The following PRRG1 variants were observed in gnomAD, a reference collection of about 807,000 sequenced individuals.
PRRG1 encodes the protein proline rich and Gla domain 1.
In PRRG1, 5 loss-of-function variants were observed where a neutral mutation model predicts 11.8. That is an observed-to-expected ratio of 0.42 (90% CI 0.22 to 0.89). PRRG1 has a LOEUF of 0.89. PRRG1 is among the 40% of genes least tolerant of loss of function. PRRG1 has a pLI of 0.28. For missense variants in PRRG1, 155 were observed against 166.1 expected (o/e 0.93, Z 0.37); for synonymous variants, 66 against 60.4 (o/e 1.09, Z -0.43).
chrX:37,350,438 T>G (rs1238572122), intron 1 of PRRG1, among the ~76,000 whole-genome samples: 4 of 111,662 alleles, frequency 3.6e-5, no homozygotes, highest in Non-Finnish European at 7.5e-5. Flanking sequence ...AAAAGTTGGT[T>G]AGGCTACTGT....
At chrX:37,412,423 C>T (rs1932372958) in intron 2 of PRRG1, among the ~76,000 whole-genome samples, 1 of 109,903 alleles carries the variant, frequency 9.1e-6, no homozygotes, top group African/African-American at 3.4e-5. Flanking sequence ...ACTGACAAGC[C>T]CTGTAAAGTA....
intron 1 of PRRG1, among the ~76,000 whole-genome samples, chrX:37,405,538 G>A (rs1556381808): frequency 1.8e-5 from 2 of 110,255 alleles, no homozygotes; most frequent in Non-Finnish European, 3.8e-5. Context: ...TTCTGTGTAT[G>A]TATGAGTGTT....
At chrX:37,372,129 T>C (rs781904755) in intron 1 of PRRG1, among the ~76,000 whole-genome samples, 4 of 112,813 alleles carry the variant, frequency 3.5e-5, no homozygotes, top group Non-Finnish European at 5.6e-5. Flanking sequence ...CATATCTTTA[T>C]CAACACTTGT....
chrX:37,437,330 A>G (rs1556392289), intron 3 of PRRG1, among the ~76,000 whole-genome samples: 2 of 111,518 alleles, frequency 1.8e-5, no homozygotes, highest in Admixed American at 1.9e-4. Context: ...TCTCCTGCCC[A>G]TGCCAGCAGT....
In PRRG1 at chrX:37,453,440, T is replaced by G. The variant is rs781947852; in HGVS notation, c.476T>G (p.Val159Gly). The change falls in exon 4 of 4, where the codon GTC becomes GGC. Residue 159 changes from valine (V) to glycine (G), a missense_variant. By Grantham distance (109) the Val-to-Gly change is moderately radical. Transcript: ENST00000378628. ...LGYVVGRSDS[V>G]STRLSNCDPP... ...TATGTAGTTGGGCGCTCAGATTCCG[T>G]CTCTACTCGCCTGTCCAATTGTGAT... The G allele has an allele frequency of 4.1e-6, 5 of 1,209,032 alleles. No homozygotes were observed. In the South Asian group the frequency reaches 8.8e-5, roughly 21 times the overall value.
intron 3 of PRRG1, chrX:37,440,817 G>A: frequency 3.9e-6 from 2 of 511,486 alleles, no homozygotes; most frequent in Non-Finnish European, 7.0e-6. Context: ...CAAGGCTGGA[G>A]TGCAGCTGTG....
chrX:37,403,364 TA>T (rs1932082765), intron 1 of PRRG1, among the ~76,000 whole-genome samples: 1 of 106,004 alleles, frequency 9.4e-6, no homozygotes, highest in Non-Finnish European at 1.9e-5. Context: ...TCATTCTCAG[TA>T]AACTATCGCA....
intron 1 of PRRG1, among the ~76,000 whole-genome samples, chrX:37,399,237 T>C (rs1251612385): frequency 1.3e-4 from 15 of 111,358 alleles, no homozygotes; most frequent in African/African-American, 4.9e-4. Flanking sequence ...GAGAGAAAGG[T>C]TGGGTTACCC....
chrX:37,399,968 C>T (rs782776685), intron 1 of PRRG1, among the ~76,000 whole-genome samples: 1 of 111,050 alleles, frequency 9.0e-6, no homozygotes, highest in East Asian at 2.8e-4. Flanking sequence ...ACAGGAGCAC[C>T]CAGATTCATA....
At chrX:37,436,369 C>T (rs1204750559) in intron 3 of PRRG1, among the ~76,000 whole-genome samples, 2 of 112,017 alleles carry the variant, frequency 1.8e-5, no homozygotes, top group African/African-American at 3.2e-5. Flanking sequence ...AAAGTGTCAC[C>T]ATTTAAATTT....
chrX:37,392,753 A>G (rs1206028965), intron 1 of PRRG1, among the ~76,000 whole-genome samples: 1 of 110,864 alleles, frequency 9.0e-6, no homozygotes, highest in Non-Finnish European at 1.9e-5. Context: ...TACACAGGCA[A>G]TAGTTATTTA....
intron 3 of PRRG1, among the ~76,000 whole-genome samples, chrX:37,434,655 T>C (rs781978403): frequency 1.8e-5 from 2 of 111,934 alleles, no homozygotes; most frequent in Non-Finnish European, 3.8e-5. Flanking sequence ...GAGGATATTA[T>C]ACCTACAGTA....
At chrX:37,425,632 C>T (rs1300571763) in intron 2 of PRRG1, 3 of 349,930 alleles carry the variant, frequency 8.6e-6, no homozygotes, top group African/African-American at 8.0e-5. Flanking sequence ...ATGTCACTGT[C>T]CCTGCCCAGG....
chrX:37,425,992 G>T lies in PRRG1; in HGVS notation c.163G>T (p.Glu55Ter). 8.5e-7 allele frequency: 1 copy of T among 1,177,306 alleles called. No individual in the cohort carries two copies. Among genetic ancestry groups the T allele is most frequent in the Non-Finnish European group, 1.1e-6 (1 of 881,630 alleles). Residue 55 changes from glutamate (E) to a stop codon, truncating the protein, a stop_gained, in exon 3 of 4, where the codon GAA becomes TAA. Coordinates refer to ENST00000378628, the MANE Select transcript of PRRG1 (RefSeq NM_001142395.2). LOFTEE classifies it high-confidence loss of function. ...EEAREAFENN[E>*]KTKEFWSTYT... ...AGCAAGAGAAGCTTTTGAAAATAATGAAAAAACTGTAAGTATGTTGGCAAT... is the reference window on the plus strand; with the variant it reads ...AGCAAGAGAAGCTTTTGAAAATAATTAAAAAACTGTAAGTATGTTGGCAAT...
intron 1 of PRRG1, among the ~76,000 whole-genome samples, chrX:37,349,906 A>AC (rs1929998926): frequency 9.2e-6 from 1 of 108,944 alleles, no homozygotes; most frequent in African/African-American, 3.4e-5. Flanking sequence ...TCCTTTACCC[A>AC]CCCCCGGGAA....
At chrX:37,428,510 T>C (rs781964889) in intron 3 of PRRG1, among the ~76,000 whole-genome samples, 5 of 111,969 alleles carry the variant, frequency 4.5e-5, no homozygotes, top group Non-Finnish European at 9.4e-5. Flanking sequence ...ATTATGTCCT[T>C]TGACTCCATG....
chrX:37,387,507 G>T (rs1455311043), intron 1 of PRRG1, among the ~76,000 whole-genome samples: 9 of 111,545 alleles, frequency 8.1e-5, no homozygotes, highest in African/African-American at 3.0e-4. Context: ...AGAAGGCGAA[G>T]AGCCAGCACT....
intron 3 of PRRG1, among the ~76,000 whole-genome samples, chrX:37,444,017 T>G (rs1386889741): frequency 8.9e-6 from 1 of 112,348 alleles, no homozygotes; most frequent in African/African-American, 3.2e-5. Flanking sequence ...GCTCGAGTCT[T>G]TTTAAAGCTA....
At chrX:37,405,644 T>C (rs889990197) in intron 1 of PRRG1, among the ~76,000 whole-genome samples, 3 of 111,391 alleles carry the variant, frequency 2.7e-5, no homozygotes, top group East Asian at 5.6e-4. Context: ...CCAAAGTTTC[T>C]GTTGTCAGTA....
Sources: gnomAD v4.1 joint callset for allele counts (sites outside exome capture counted in the v4.1 genomes callset) on GRCh38, gnomAD v4.1.1 for gene constraint, MANE v1.5 for transcripts, NCBI Gene and HGNC (gene_info 2026-07-23, HGNC 2026-07-21) for gene names.